FGD4: variants seen among roughly 807,000 people sequenced by gnomAD.
FGD4 encodes FYVE, RhoGEF and PH domain containing 4, also known as FYVE, RhoGEF and PH domain-containing protein 4.
FGD4 carries 42 observed loss-of-function variants against 102.0 expected under a neutral mutation model. The observed-to-expected ratio is 0.41, with a 90% CI of 0.32 to 0.53. FGD4 has a LOEUF of 0.53. Ranked by LOEUF, FGD4 falls within the 20% of genes least tolerant of loss-of-function variation. The pLI is 0.21. For synonymous variants in FGD4, 380 were observed against 375.7 expected (o/e 1.01, Z -0.13); for missense variants, 902 against 1,078.2 (o/e 0.84, Z 2.29).
At chr12:32,598,351 T>A in intron 4 of FGD4, 146 bp from the exon 5 acceptor site, 1 of 610,626 alleles carries the variant, frequency 1.6e-6, no homozygotes, top group Non-Finnish European at 2.9e-6. Context: ...ATTTCTGGTT[T>A]GACATCTCTT....
chr12:32,482,819 C>G (rs867742442), intron 1 of FGD4, among the ~76,000 whole-genome samples: 2 of 152,324 alleles, frequency 1.3e-5, no homozygotes, highest in Middle Eastern at 3.4e-3. Context: ...AGCAGACGTT[C>G]TGCACTTTAG....
intron 1 of FGD4, among the ~76,000 whole-genome samples, chr12:32,453,929 T>G (rs1010087737): frequency 6.6e-6 from 1 of 152,178 alleles, no homozygotes; most frequent in Admixed American, 6.5e-5. Context: ...GTGGTGTTAT[T>G]TATTTCCTTC....
At chr12:32,421,936 C>T (rs1268587697) in intron 1 of FGD4, among the ~76,000 whole-genome samples, 3 of 151,632 alleles carry the variant, frequency 2.0e-5, no homozygotes, top group East Asian at 1.9e-4. Flanking sequence ...GTCAGGAGAT[C>T]GAGACCATCC....
intron 8 of FGD4, among the ~76,000 whole-genome samples, chr12:32,610,398 G>C (rs2136757447): frequency 6.6e-6 from 1 of 152,224 alleles, no homozygotes; most frequent in East Asian, 1.9e-4. Flanking sequence ...TTCTGATTTG[G>C]GCAATTCTGT....
chr12:32,414,029 T>C (rs1487229521), intron 1 of FGD4, among the ~76,000 whole-genome samples: 1 of 147,694 alleles, frequency 6.8e-6, no homozygotes, highest in African/African-American at 2.5e-5. Flanking sequence ...TGGAGTGCAA[T>C]GGCATGATCT....
intron 1 of FGD4, among the ~76,000 whole-genome samples, chr12:32,407,013 A>T: frequency 6.6e-6 from 1 of 151,444 alleles, no homozygotes; most frequent in Non-Finnish European, 1.5e-5. Flanking sequence ...GGGTTTCACC[A>T]TCTTGGCCAG....
intron 1 of FGD4, among the ~76,000 whole-genome samples, chr12:32,429,134 C>G (rs923840057): frequency 1.2e-4 from 18 of 152,298 alleles, no homozygotes; most frequent in Admixed American, 3.3e-4. Flanking sequence ...AGTCTTTTTG[C>G]TCTGGTTTTT....
intron 1 of FGD4, among the ~76,000 whole-genome samples, chr12:32,462,665 A>AT (rs1379143178): frequency 6.6e-6 from 1 of 152,094 alleles, no homozygotes; most frequent in African/African-American, 2.4e-5. Flanking sequence ...TTTTAGGTTT[A>AT]TTTTTCTGTC....
At chr12:32,573,895 T>C (rs922407382) in intron 2 of FGD4, among the ~76,000 whole-genome samples, 10 of 152,190 alleles carry the variant, frequency 6.6e-5, no homozygotes, top group Admixed American at 2.0e-4. Context: ...ACTATAAATA[T>C]AGCTGTGATC....
chr12:32,611,408 G>A, intron 10 of FGD4, 125 bp downstream of exon 10: 1 of 1,126,144 alleles, frequency 8.9e-7, no homozygotes, highest in East Asian at 2.6e-5. Flanking sequence ...CTGAGGTCAG[G>A]AGTTTGAGAC....
At chr12:32,517,171 TG>T (rs1939977041) in intron 1 of FGD4, among the ~76,000 whole-genome samples, 1 of 152,210 alleles carries the variant, frequency 6.6e-6, no homozygotes, top group African/African-American at 2.4e-5. Flanking sequence ...TAATTCTAAT[TG>T]TTCTCTGTTT....
At chr12:32,470,231 C>T (rs769508078) in intron 1 of FGD4, among the ~76,000 whole-genome samples, 1 of 152,110 alleles carries the variant, frequency 6.6e-6, no homozygotes, top group Non-Finnish European at 1.5e-5. Flanking sequence ...TATGCCATCT[C>T]GACCCTCCAT....
chr12:32,537,069 C>T lies in FGD4; in HGVS notation c.167-27068C>T, dbSNP rs139469150. Among the ~76,000 whole-genome samples the T allele has an allele frequency of 4.5e-3, 686 of 152,076 alleles. 10 individuals are homozygous for T. Among genetic ancestry groups the T allele is most frequent in the African/African-American group, 0.015 (643 of 41,504 alleles). On this transcript the variant is annotated intron_variant, in intron 1 of 16. Transcript: ENST00000534526. ...GACTACAGGCACCCGCCACCATGCC[C>T]GGCTAATTTTTTGCATTTTTAGTAG...
intron 1 of FGD4, among the ~76,000 whole-genome samples, chr12:32,442,004 G>C (rs996048054): frequency 6.6e-6 from 1 of 151,480 alleles, no homozygotes; most frequent in Non-Finnish European, 1.5e-5. Context: ...CTCTCAGGGT[G>C]GGGGAAGGGT....
intron 2 of FGD4, among the ~76,000 whole-genome samples, chr12:32,569,642 C>A (rs528019500): frequency 6.6e-6 from 1 of 152,202 alleles, no homozygotes; most frequent in African/African-American, 2.4e-5. Flanking sequence ...TTCTTTTAGC[C>A]CTCACCACGT....
Position 32,461,445 on chromosome 12 carries a change from G to A in FGD4, c.166+61486G>A, listed in dbSNP as rs115596897. Among the ~76,000 whole-genome samples the A allele has an allele frequency of 2.2e-3, 331 of 152,264 alleles. 3 individuals carry two copies. Among genetic ancestry groups the A allele is most frequent in the African/African-American group, 7.6e-3 (317 of 41,560 alleles). ...TGCTTAAGAGGCTTTTACCTGAAGA[G>A]ATTAGTAGTAACATTTCCATTTATT... On this transcript the variant is annotated intron_variant, in intron 1 of 16. Transcript: ENST00000534526.
At chr12:32,638,881 CA>C in intron 16 of FGD4, 86 bp downstream of exon 16, 1 of 1,601,076 alleles carries the variant, frequency 6.2e-7, no homozygotes, top group Non-Finnish European at 8.5e-7. Context: ...ATCTGTAGAA[CA>C]AGAGTTCAGG....
chr12:32,599,384 C>T (rs1435217254), intron 5 of FGD4, among the ~76,000 whole-genome samples: 3 of 139,238 alleles, frequency 2.2e-5, no homozygotes, highest in Admixed American at 1.5e-4. Flanking sequence ...GTCCCAGCTA[C>T]TCGGGAGGCT....
At chr12:32,480,703 G>A (rs1294200680) in intron 1 of FGD4, among the ~76,000 whole-genome samples, 6 of 151,044 alleles carry the variant, frequency 4.0e-5, no homozygotes, top group Non-Finnish European at 8.8e-5. Context: ...GTTTCACCAT[G>A]TTGGCCAGGA....
Sources: gnomAD v4.1 joint callset for allele counts (sites outside exome capture counted in the v4.1 genomes callset) on GRCh38, gnomAD v4.1.1 for gene constraint, MANE v1.5 for transcripts, NCBI Gene and HGNC (gene_info 2026-07-23, HGNC 2026-07-21) for gene names.